The following TMEM14B variants were observed in gnomAD, a reference collection of about 807,000 sequenced individuals.
TMEM14B encodes the protein transmembrane protein 14B.
A neutral mutation model predicts 14.8 loss-of-function variants in TMEM14B; 9 were observed. That is an observed-to-expected ratio of 0.61 (90% CI 0.37 to 1.06). The LOEUF is 1.06. TMEM14B is among the 50% of genes least tolerant of loss of function. TMEM14B has a pLI of 0.01. For synonymous variants in TMEM14B, 40 were observed against 51.3 expected, an observed-to-expected ratio of 0.78 and a Z score of 0.94; for missense variants, 128 against 143.6, an observed-to-expected ratio of 0.89 and a Z score of 0.56.
At chr6:10,758,694 G>A (rs78255585), downstream of TMEM14B, among the ~76,000 whole-genome samples, 964 of 152,288 alleles carry the variant, frequency 6.3e-3, 26 homozygotes, top group East Asian at 0.094. Context: ...TCTGTTGAGG[G>A]AGTCAAGGTA....
At chr6:10,757,325 ATTTAT>A (rs1771840565), downstream of TMEM14B, among the ~76,000 whole-genome samples, 1 of 151,792 alleles carries the variant, frequency 6.6e-6, no homozygotes, top group East Asian at 1.9e-4. Flanking sequence ...CACCTCGCTA[ATTTAT>A]TTTATTTTTT....
intron 3 of TMEM14B, 111 bp downstream of exon 3, chr6:10,749,809 C>T: frequency 7.6e-7 from 1 of 1,310,936 alleles, no homozygotes; most frequent in South Asian, 1.2e-5. Flanking sequence ...TGCTGTAGGT[C>T]CCCAAGCTGG....
In TMEM14B at chr6:10,756,631, A is replaced by T. The variant is rs1581617155; in HGVS notation, c.*113A>T. ...CATTTTTGCATCTGACATTTTACCT[A>T]AAAAAAAAAAGACACCAAATTTGGC... is the stretch of plus-strand genomic sequence containing the variant. On this transcript the variant is annotated 3_prime_UTR_variant, in exon 6 of 6. Coordinates refer to ENST00000379542, the MANE Select transcript of TMEM14B (RefSeq NM_030969.5). 4.0e-6 allele frequency: 2 copies of T among 505,648 alleles called. No homozygotes were observed. The highest frequency in any genetic ancestry group is 5.4e-5 in the South Asian group (1 of 18,500). The allele number at this position is 505,648 out of a possible 1,614,324, so 31.3% of individuals were successfully genotyped here.
intron 5 of TMEM14B, chr6:10,755,725 C>T (rs773653236): frequency 2.0e-5 from 19 of 956,356 alleles, no homozygotes; most frequent in African/African-American, 1.1e-4. Flanking sequence ...GAGGCCATGG[C>T]GGGCATATCA....
chr6:10,748,558 C>A lies in TMEM14B; in HGVS notation c.-44-644C>A, dbSNP rs544171958. 3.3e-5 allele frequency among the ~76,000 whole-genome samples: 5 copies of A among 152,268 alleles called. No individual in the cohort carries two copies. The South Asian group carries it at 8.3e-4, about 25-fold the overall frequency. ...GTGAGCCACTTTGCCTGGCCTAATT[C>A]TTTAAACAGAATAAACGGCGTATGC... On this transcript the variant is annotated intron_variant, in intron 1 of 5. Coordinates refer to ENST00000379542, the MANE Select transcript of TMEM14B (RefSeq NM_030969.5).
chr6:10,759,505 T>G (rs1474790777), downstream of TMEM14B: 1 of 152,188 alleles, frequency 6.6e-6, no homozygotes, highest in Non-Finnish European at 1.5e-5. Context: ...ATCTCAGCAT[T>G]TAAAATTGTG....
chr6:10,755,304 A>G (rs955603891), intron 5 of TMEM14B, 72 bp downstream of exon 5: 8 of 1,607,190 alleles, frequency 5.0e-6, no homozygotes, highest in Non-Finnish European at 6.8e-6. Flanking sequence ...TATGCATTCA[A>G]AACCTTACTT....
At position 10,751,239 on chromosome 6, in the gene TMEM14B, G is replaced by A. The variant is rs1191196090; in HGVS notation, c.202+5G>A. On this transcript the variant is annotated splice_donor_5th_base_variant and intron_variant, in intron 4 of 5. Transcript: ENST00000379542. ...GGAACGTTTGGGGTTTCCTAGGTATGTCTGCTTCAGCGTCTCCTTAGGGCA... is the reference window on the plus strand; with the variant it reads ...GGAACGTTTGGGGTTTCCTAGGTATATCTGCTTCAGCGTCTCCTTAGGGCA... 1 of 1,613,586 alleles carries A rather than the reference G, an allele frequency of 6.2e-7. No homozygotes were observed. Among genetic ancestry groups the A allele is most frequent in the Admixed American group, 1.7e-5 (1 of 59,980 alleles).
At chr6:10,752,884 A>G (rs1173848288) in intron 4 of TMEM14B, 1 of 152,126 alleles carries the variant, frequency 6.6e-6, no homozygotes, top group African/African-American at 2.4e-5. Context: ...TGCTTCTGGG[A>G]TCAGACAAGA....
In TMEM14B at chr6:10,755,718, G is replaced by T; in HGVS notation, c.293+486G>T. ...ACCTGTAATCCAAGCACAGTGGGAG[G>T]CCATGGCGGGCATATCACTTGAGGT... On this transcript the variant is annotated intron_variant, in intron 5 of 5. Coordinates refer to ENST00000379542, the MANE Select transcript of TMEM14B (RefSeq NM_030969.5). 10 of 983,382 alleles carry T rather than the reference G, an allele frequency of 1.0e-5. No individual in the cohort carries two copies. The South Asian group carries it at 3.7e-4, about 37-fold the overall frequency. 60.9% of individuals were successfully genotyped at this position (983,382 alleles called of 1,614,324 possible). A position where few individuals can be genotyped will look rare whatever the true frequency, so the allele number is the denominator to read the frequency against.
chr6:10,748,199 A>C (rs1219601092), intron 1 of TMEM14B, among the ~76,000 whole-genome samples: 1 of 152,036 alleles, frequency 6.6e-6, no homozygotes. Context: ...ACTGTGGGCA[A>C]GATCCCAAGC....
chr6:10,750,916 C>G (rs188223553), intron 3 of TMEM14B, among the ~76,000 whole-genome samples: 20 of 152,056 alleles, frequency 1.3e-4, no homozygotes, highest in Non-Finnish European at 2.6e-4. Flanking sequence ...TGGAAGTGCC[C>G]TGCCTATTAG....
At chr6:10,756,262 C>T (rs954218027) in intron 5 of TMEM14B, among the ~76,000 whole-genome samples, 5 of 152,102 alleles carry the variant, frequency 3.3e-5, no homozygotes, top group Non-Finnish European at 5.9e-5. Context: ...CTCATGTGTG[C>T]TATTTTAAGA....
At chr6:10,757,128 A>G (rs1194681428), downstream of TMEM14B, 6 of 487,816 alleles carry the variant, frequency 1.2e-5, no homozygotes, top group African/African-American at 2.1e-5. Context: ...TTGATTGTAC[A>G]TTGCATTGAA....
chr6:10,749,198 C>G lies in TMEM14B; in HGVS notation c.-44-4C>G, dbSNP rs1771453402. On this transcript the variant is annotated splice_polypyrimidine_tract_variant and splice_region_variant and intron_variant, in intron 1 of 5. Coordinates refer to ENST00000379542, the MANE Select transcript of TMEM14B (RefSeq NM_030969.5). The stretch of plus-strand genomic sequence containing the variant: ...CCACTGCTGATCCGGCTTGTTTTCC[C>G]CAGATGCAGGCCTGGGGTAGTCTCC... The G allele has an allele frequency of 6.2e-7, 1 of 1,610,308 alleles. No homozygotes were observed. The highest frequency in any genetic ancestry group is 8.5e-7 in the Non-Finnish European group (1 of 1,177,064).
At position 10,751,145 on chromosome 6, in the gene TMEM14B, C is replaced by G; in HGVS notation, c.113C>G (p.Ser38Cys). ...TGCTTCCTTCTAGGCAGCGTGCCGT[C>G]CCTGGCTGCAGGGCTGCTCTTCGGC... ...VGYVKTGSVP[S>C]LAAGLLFGSL... Residue 38 changes from serine to cysteine, a missense_variant, in exon 4 of 6, where the codon TCC becomes TGC. Ser to Cys is a moderately radical substitution (Grantham distance 112, BLOSUM62 -1). Coordinates refer to ENST00000379542, the MANE Select transcript of TMEM14B (RefSeq NM_030969.5). 1 of 1,613,854 alleles carries G rather than the reference C, an allele frequency of 6.2e-7. No homozygotes were observed. The highest frequency in any genetic ancestry group is 8.5e-7 in the Non-Finnish European group (1 of 1,180,018).
intron 5 of TMEM14B, among the ~76,000 whole-genome samples, chr6:10,756,092 T>C (rs1297392180): frequency 6.6e-6 from 1 of 152,240 alleles, no homozygotes; most frequent in Non-Finnish European, 1.5e-5. Flanking sequence ...TAATATTTTA[T>C]ACCTGAAGCA....
chr6:10,751,361 A>G, intron 4 of TMEM14B, 127 bp downstream of exon 4: 6 of 1,011,178 alleles, frequency 5.9e-6, no homozygotes, highest in Non-Finnish European at 8.7e-6. Flanking sequence ...CTGCTTCTCC[A>G]AGTCCAAGTC....
Position 10,756,765 on chromosome 6 carries a change from A to G in TMEM14B, c.*247A>G, listed in dbSNP as rs903797188. The G allele has an allele frequency of 1.1e-5, 12 of 1,128,224 alleles. No individual in the cohort carries two copies. The highest frequency in any genetic ancestry group is 1.3e-5 in the Non-Finnish European group (12 of 921,372). 69.9% of individuals were successfully genotyped at this position (1,128,224 alleles called of 1,614,324 possible). ...AGATCGATTCTTGTATATTGATTTT[A>G]TCTCTTTCTGTATCTATAGGTAAAT... On this transcript the variant is annotated 3_prime_UTR_variant, in exon 6 of 6. Coordinates refer to ENST00000379542, the MANE Select transcript of TMEM14B (RefSeq NM_030969.5).
Sources: gnomAD v4.1 joint callset for allele counts (sites outside exome capture counted in the v4.1 genomes callset) on GRCh38, gnomAD v4.1.1 for gene constraint, MANE v1.5 for transcripts, NCBI Gene and HGNC (gene_info 2026-07-23, HGNC 2026-07-21) for gene names.